The following DACH2 variants were observed in gnomAD, a reference collection of about 807,000 sequenced individuals.
The protein encoded by DACH2 is dachshund homolog 2.
In DACH2, 17 loss-of-function variants were observed where a neutral mutation model predicts 35.8. That is an observed-to-expected ratio of 0.48 (90% CI 0.33 to 0.71). The LOEUF is 0.71. DACH2 is among the 30% of genes least tolerant of loss of function. The pLI, the probability that DACH2 is intolerant of heterozygous loss-of-function variation, is 0.02. For missense variants in DACH2, 469 were observed against 472.7 expected, an observed-to-expected ratio of 0.99 and a Z score of 0.07; for synonymous variants, 195 against 177.3, an observed-to-expected ratio of 1.10 and a Z score of -0.79.
At chrX:86,356,665 G>T (rs1242195341) in intron 1 of DACH2, among the ~76,000 whole-genome samples, 1 of 111,117 alleles carries the variant, frequency 9.0e-6, no homozygotes, top group Non-Finnish European at 1.9e-5. Context: ...CTATCCATGA[G>T]CATGGAATCA....
At chrX:86,383,599 A>C (rs948063859) in intron 2 of DACH2, among the ~76,000 whole-genome samples, 1 of 100,788 alleles carries the variant, frequency 9.9e-6, no homozygotes, top group Admixed American at 1.2e-4. Context: ...CATCTAGATA[A>C]TAATACTATA....
chrX:86,643,467 A>T (rs1409296031), intron 3 of DACH2, among the ~76,000 whole-genome samples: 1 of 107,448 alleles, frequency 9.3e-6, no homozygotes. Flanking sequence ...TTGAATCAGT[A>T]ATAAGCCTAC....
chrX:86,446,790 A>G (rs1470362249), intron 2 of DACH2, among the ~76,000 whole-genome samples: 7 of 62,354 alleles, frequency 1.1e-4, no homozygotes, highest in Non-Finnish European at 2.1e-4. Context: ...CATGATTTAT[A>G]GTCCTTTGGG....
At chrX:86,780,787 T>G (rs2042081943) in intron 7 of DACH2, among the ~76,000 whole-genome samples, 1 of 111,526 alleles carries the variant, frequency 9.0e-6, no homozygotes, top group Non-Finnish European at 1.9e-5. Flanking sequence ...TTTAGTCTAG[T>G]TATAGGTTTA....
At position 86,531,904 on chromosome X, in the gene DACH2, G is replaced by A. The variant is rs139673679; in HGVS notation, c.640+17513G>A. Among the ~76,000 whole-genome samples, 894 of 113,049 alleles carry A rather than the reference G, an allele frequency of 7.9e-3. 5 individuals are homozygous for A. The highest frequency in any genetic ancestry group is 0.013 in the Non-Finnish European group (680 of 53,381). On this transcript the variant is annotated intron_variant, in intron 3 of 11. Coordinates refer to ENST00000373125, the MANE Select transcript of DACH2 (RefSeq NM_053281.3). ...CAGGCTGTACCCTGCTGAGCCACTG[G>A]TAGAGCTGCCCAAGTTCTTGGGAGT...
chrX:86,399,738 G>C (rs2148129193), intron 2 of DACH2, among the ~76,000 whole-genome samples: 1 of 112,131 alleles, frequency 8.9e-6, no homozygotes, highest in African/African-American at 3.2e-5. Context: ...TAGAGTTTCT[G>C]CTGAGAGATC....
intron 3 of DACH2, among the ~76,000 whole-genome samples, chrX:86,580,671 G>A (rs1020386191): frequency 9.0e-6 from 1 of 111,042 alleles, no homozygotes; most frequent in Admixed American, 9.6e-5. Flanking sequence ...CAAATAAGTC[G>A]GTCAGATAAA....
chrX:86,256,920 C>G (rs1283186544), intron 1 of DACH2, among the ~76,000 whole-genome samples: 1 of 111,318 alleles, frequency 9.0e-6, no homozygotes, highest in African/African-American at 3.3e-5. Flanking sequence ...TGTGTAAAGT[C>G]AAATATTAAT....
At chrX:86,275,218 T>C (rs2033896700) in intron 1 of DACH2, among the ~76,000 whole-genome samples, 1 of 112,198 alleles carries the variant, frequency 8.9e-6, no homozygotes, top group African/African-American at 3.2e-5. Flanking sequence ...ACAAACTTTA[T>C]TATATAACTT....
chrX:86,335,223 T>C (rs2035284606), intron 1 of DACH2, among the ~76,000 whole-genome samples: 2 of 111,165 alleles, frequency 1.8e-5, no homozygotes, highest in South Asian at 7.4e-4. Flanking sequence ...TTTTGCTTCT[T>C]GGCTACACAT....
intron 1 of DACH2, among the ~76,000 whole-genome samples, chrX:86,299,700 A>G (rs1193751772): frequency 9.0e-6 from 1 of 111,656 alleles, no homozygotes; most frequent in African/African-American, 3.3e-5. Flanking sequence ...GTCGGTGTTC[A>G]TTCAAATGAA....
rs2036645570 is a variant in DACH2, at chrX:86,413,301, G to A, written c.527+36439G>A. Among the ~76,000 whole-genome samples, 3 of 112,173 alleles carry A rather than the reference G, an allele frequency of 2.7e-5. No homozygotes were observed. In the South Asian group the frequency reaches 1.1e-3, roughly 42 times the overall value. On this transcript the variant is annotated intron_variant, in intron 2 of 11. Transcript: ENST00000373125. ...GTTGATATAACCCTGAGGTAGGACA[G>A]TAAAGGTATATTGCTGGTCTCGCCA...
intron 1 of DACH2, among the ~76,000 whole-genome samples, chrX:86,183,101 T>G (rs998076243): frequency 4.5e-5 from 5 of 111,952 alleles, no homozygotes; most frequent in Non-Finnish European, 9.4e-5. Context: ...GTTTTCTAAA[T>G]GTACAATCAT....
intron 3 of DACH2, among the ~76,000 whole-genome samples, chrX:86,595,434 G>A (rs1332946064): frequency 1.8e-5 from 2 of 111,104 alleles, no homozygotes; most frequent in East Asian, 2.9e-4. Context: ...GCTTTCTTTA[G>A]ATTAGTGCTA....
intron 4 of DACH2, among the ~76,000 whole-genome samples, chrX:86,688,134 G>T (rs1002974001): frequency 2.7e-5 from 3 of 112,020 alleles, no homozygotes; most frequent in African/African-American, 9.7e-5. Flanking sequence ...CAGAGTCTTA[G>T]CACATTTCTT....
chrX:86,706,313 AG>A (rs1343041687), intron 5 of DACH2, among the ~76,000 whole-genome samples: 1 of 111,537 alleles, frequency 9.0e-6, no homozygotes, highest in East Asian at 2.8e-4. Flanking sequence ...CTTGTGGATA[AG>A]TGAAATAAAT....
chrX:86,148,727 C>T lies in DACH2; in HGVS notation c.107C>T (p.Pro36Leu), dbSNP rs147377892. 1,458 of 1,208,828 alleles carry T rather than the reference C, an allele frequency of 1.2e-3. 3 individuals are homozygous for T. In the Middle Eastern group the frequency reaches 0.013, roughly 11 times the overall value. Residue 36 changes from proline (P) to leucine (L), a missense_variant, in exon 1 of 12, where the codon CCT becomes CTT. By Grantham distance (98) the Pro-to-Leu change is moderately conservative. Around this residue, in one of 3 missense-constraint regions of DACH2, gnomAD observed 99 missense variants for 114.3 expected, o/e 0.87. Transcript: ENST00000373125. ...EPLYSTPREPPRLTPNMINSF... is the reference protein window; with the variant it reads ...EPLYSTPREPLRLTPNMINSF... ...CTGTACTCGACTCCCAGAGAGCCCC[C>T]TCGTCTTACTCCTAATATGATCAAT...
intron 4 of DACH2, among the ~76,000 whole-genome samples, chrX:86,660,727 T>C (rs2040596360): frequency 9.0e-6 from 1 of 111,721 alleles, no homozygotes; most frequent in Non-Finnish European, 1.9e-5. Context: ...TATATTGATT[T>C]TGAGTATCTA....
chrX:86,532,653 T>C (rs1019358278), intron 3 of DACH2, among the ~76,000 whole-genome samples: 2 of 111,515 alleles, frequency 1.8e-5, no homozygotes, highest in Non-Finnish European at 3.8e-5. Flanking sequence ...CAAGTAGTTC[T>C]TTATAGCAGT....
Sources: allele counts gnomAD v4.1 joint callset (sites outside exome capture counted in the v4.1 genomes callset), GRCh38; gene constraint gnomAD v4.1.1; regional missense constraint gnomAD v4.1.1; transcripts MANE v1.5; gene names NCBI Gene and HGNC (gene_info 2026-07-23, HGNC 2026-07-21).